The following EYS variants were observed in gnomAD, a reference collection of about 807,000 sequenced individuals.
EYS encodes the protein EGF-like photoreceptor maintenance factor.
EYS carries 250 observed loss-of-function variants against 282.1 expected under a neutral mutation model. The ratio of observed to expected loss-of-function variants is 0.89; its 90% confidence interval spans 0.80 to 0.98. The LOEUF is 0.98. Among genes scored for constraint, EYS ranks in the 50% least tolerant of loss-of-function variants. EYS has a pLI of 0.00. For missense variants in EYS, 4,016 were observed against 3,709.0 expected (o/e 1.08, Z -2.15); for synonymous variants, 1,355 against 1,282.9 (o/e 1.06, Z -1.20).
chr6:64,127,127 T>C (rs1293457070), intron 31 of EYS, among the ~76,000 whole-genome samples: 2 of 152,214 alleles, frequency 1.3e-5, no homozygotes, highest in African/African-American at 4.8e-5. Context: ...TTTAAAACTT[T>C]GGTAAACTAC....
intron 35 of EYS, among the ~76,000 whole-genome samples, chr6:63,892,610 C>T (rs918340095): frequency 6.6e-6 from 1 of 152,098 alleles, no homozygotes; most frequent in South Asian, 2.1e-4. Flanking sequence ...AACATAAGAC[C>T]TAAAACCATG....
Position 65,354,481 on chromosome 6 carries a change from C to T in EYS, c.1300-864G>A, listed in dbSNP as rs148000706. 6.4e-3 allele frequency among the ~76,000 whole-genome samples: 970 copies of T among 151,786 alleles called. 18 individuals carry two copies. Among genetic ancestry groups the T allele is most frequent in the African/African-American group, 0.022 (907 of 41,340 alleles). ...ATTTGCAATCACAATTTCCTAATTGCACAACAACCTTAAAGTATGAGTCAA... is the reference window on the plus strand; with the variant it reads ...ATTTGCAATCACAATTTCCTAATTGTACAACAACCTTAAAGTATGAGTCAA... On this transcript the variant is annotated intron_variant, in intron 8 of 42. Transcript: ENST00000503581.
chr6:63,807,775 C>G (rs1267443318), intron 36 of EYS, among the ~76,000 whole-genome samples: 1 of 151,946 alleles, frequency 6.6e-6, no homozygotes, highest in Admixed American at 6.6e-5. Flanking sequence ...CTAATGAAAA[C>G]TTTATAATTT....
chr6:64,046,546 CTT>C (rs70999132), intron 33 of EYS, among the ~76,000 whole-genome samples: 11 of 146,390 alleles, frequency 7.5e-5, no homozygotes, highest in South Asian at 4.3e-4. Flanking sequence ...AAGCTTTATT[CTT>C]TTTTTTTTTT....
At chr6:64,906,488 T>A (rs1767831029) in intron 16 of EYS, among the ~76,000 whole-genome samples, 1 of 152,162 alleles carries the variant, frequency 6.6e-6, no homozygotes, top group South Asian at 2.1e-4. Flanking sequence ...AAATGACACA[T>A]TTATTTGGTG....
At chr6:65,316,091 T>A (rs1226487496) in intron 11 of EYS, among the ~76,000 whole-genome samples, 1 of 152,234 alleles carries the variant, frequency 6.6e-6, no homozygotes, top group Non-Finnish European at 1.5e-5. Context: ...GCATTATTTA[T>A]CTAGTTATAG....
intron 5 of EYS, among the ~76,000 whole-genome samples, chr6:65,488,312 G>C (rs182779126): frequency 1.6e-4 from 25 of 152,146 alleles, no homozygotes; most frequent in African/African-American, 6.0e-4. Flanking sequence ...TGGGCATTTA[G>C]GGCTATAAAT....
At chr6:65,561,513 C>T (rs2127345451) in intron 2 of EYS, among the ~76,000 whole-genome samples, 1 of 152,134 alleles carries the variant, frequency 6.6e-6, no homozygotes, top group East Asian at 1.9e-4. Flanking sequence ...TGTTCACTCC[C>T]AGGTGTATCA....
At chr6:65,053,959 A>G (rs1342265315) in intron 13 of EYS, among the ~76,000 whole-genome samples, 1 of 151,992 alleles carries the variant, frequency 6.6e-6, no homozygotes, top group Non-Finnish European at 1.5e-5. Context: ...TGGGAAAAAG[A>G]CTGTGAAATC....
chr6:64,703,558 G>A (rs891677688), intron 22 of EYS, among the ~76,000 whole-genome samples: 24 of 148,902 alleles, frequency 1.6e-4, no homozygotes, highest in Middle Eastern at 3.5e-3. Context: ...TCAGCCTCCC[G>A]ATTAGCTGGG....
chr6:65,619,267 A>G (rs1403179016), intron 2 of EYS, among the ~76,000 whole-genome samples: 1 of 151,374 alleles, frequency 6.6e-6, no homozygotes, highest in African/African-American at 2.4e-5. Flanking sequence ...GAGGTCCTTC[A>G]CGTCCCTTGT....
At chr6:63,897,551 G>A (rs756318931) in intron 35 of EYS, among the ~76,000 whole-genome samples, 2 of 152,112 alleles carry the variant, frequency 1.3e-5, no homozygotes, top group Non-Finnish European at 2.9e-5. Flanking sequence ...GATTCTCACC[G>A]ACAGCCTCTG....
chr6:64,068,932 C>A (rs535460661), intron 32 of EYS, among the ~76,000 whole-genome samples: 1 of 151,672 alleles, frequency 6.6e-6, no homozygotes, highest in Non-Finnish European at 1.5e-5. Flanking sequence ...TATATTATCT[C>A]GGTGGGCCTT....
At chr6:65,078,765 T>C (rs1429081380) in intron 12 of EYS, among the ~76,000 whole-genome samples, 1 of 151,944 alleles carries the variant, frequency 6.6e-6, no homozygotes, top group East Asian at 1.9e-4. Flanking sequence ...TCATGTTGAA[T>C]TGTAATCCTC....
intron 33 of EYS, among the ~76,000 whole-genome samples, chr6:64,022,597 C>A (rs1769243004): frequency 6.6e-6 from 1 of 150,858 alleles, no homozygotes; most frequent in African/African-American, 2.4e-5. Context: ...GAGTTCAGAG[C>A]CAGAAAGAAA....
chr6:64,660,604 G>A (rs935921221), intron 22 of EYS, among the ~76,000 whole-genome samples: 1 of 152,096 alleles, frequency 6.6e-6, no homozygotes, highest in Non-Finnish European at 1.5e-5. Context: ...CAGACAGACA[G>A]AGAGCCAAAT....
chr6:64,548,534 T>C (rs754609020), intron 26 of EYS, among the ~76,000 whole-genome samples: 1 of 152,066 alleles, frequency 6.6e-6, no homozygotes, highest in Non-Finnish European at 1.5e-5. Flanking sequence ...CGTGGGGACA[T>C]GGATGAAGCA....
At chr6:64,032,324 C>T (rs550590136) in intron 33 of EYS, among the ~76,000 whole-genome samples, 5 of 152,286 alleles carry the variant, frequency 3.3e-5, no homozygotes, top group South Asian at 4.1e-4. Flanking sequence ...CCACCAATTC[C>T]GGACACAGTA....
chr6:64,959,125 G>A (rs2150104789), intron 14 of EYS, among the ~76,000 whole-genome samples: 1 of 152,300 alleles, frequency 6.6e-6, no homozygotes, highest in South Asian at 2.1e-4. Context: ...AACCATGTAA[G>A]CGGCAGGTGA....
Sources: gnomAD v4.1 joint callset for allele counts (sites outside exome capture counted in the v4.1 genomes callset) on GRCh38, gnomAD v4.1.1 for gene constraint, MANE v1.5 for transcripts, NCBI Gene and HGNC (gene_info 2026-07-23, HGNC 2026-07-21) for gene names.